The following ATXN2 variants were observed in gnomAD, a reference collection of about 807,000 sequenced individuals.
ATXN2 encodes ataxin-2.
In ATXN2, 37 loss-of-function variants were observed where a neutral mutation model predicts 138.6. The ratio of observed to expected loss-of-function variants is 0.27; its 90% CI spans 0.21 to 0.35. The LOEUF is 0.35. Ranked by LOEUF, ATXN2 falls within the 10% of genes least tolerant of loss-of-function variation. ATXN2 has a pLI of 1.00. For synonymous variants in ATXN2, 549 were observed against 543.7 expected (o/e 1.01, Z -0.13); for missense variants, 1,216 against 1,480.3 (o/e 0.82, Z 2.93).
Position 111,541,373 on chromosome 12 carries a change from CAG to C in ATXN2, c.571+10905_571+10906del, listed in dbSNP as rs1206546577. 1.1e-3 allele frequency among the ~76,000 whole-genome samples: 76 copies of C among 68,202 alleles called. 3 individuals carry two copies. Among genetic ancestry groups the C allele is most frequent in the Non-Finnish European group, 2.0e-3 (69 of 33,904 alleles). 44.7% of individuals were successfully genotyped at this position (68,202 alleles called of 152,430 possible). On this transcript the variant is annotated intron_variant, in intron 5 of 24. Transcript: ENST00000673436. ...TTTTTTTTTTTTTTTTTTTTTGAAA[CAG>C]AGTTTTACTCTTGTTGCCCAGGCTG...
chr12:111,599,559 G>T (rs1592947308), upstream of ATXN2: 1 of 1,171,510 alleles, frequency 8.5e-7, no homozygotes. Context: ...CGGAGGTGCG[G>T]ATAGGGACTC....
intron 1 of ATXN2, chr12:111,597,774 C>T: frequency 1.9e-6 from 2 of 1,051,732 alleles, no homozygotes; most frequent in Non-Finnish European, 1.3e-6. Flanking sequence ...AACCCGACCA[C>T]GTCCCCTGCT....
intron 1 of ATXN2, among the ~76,000 whole-genome samples, chr12:111,592,006 C>T (rs370209942): frequency 4.0e-5 from 6 of 150,974 alleles, no homozygotes; most frequent in Middle Eastern, 3.2e-3. Flanking sequence ...CGCTTGAACC[C>T]GGGAAACAGA....
chr12:111,558,412 T>A (rs1234487004), intron 1 of ATXN2, among the ~76,000 whole-genome samples: 1 of 152,222 alleles, frequency 6.6e-6, no homozygotes, highest in Admixed American at 6.5e-5. Context: ...AGATCAGGTT[T>A]AACAAAACAC....
intron 1 of ATXN2, among the ~76,000 whole-genome samples, chr12:111,590,894 A>AT (rs879886259): frequency 5.6e-4 from 82 of 145,322 alleles, no homozygotes; most frequent in African/African-American, 7.0e-4. Flanking sequence ...AGGTGGAACA[A>AT]TTTTTTTTTT....
chr12:111,550,074 A>G (rs1882041003), intron 5 of ATXN2, among the ~76,000 whole-genome samples: 1 of 151,908 alleles, frequency 6.6e-6, no homozygotes. Context: ...AAAAAAAAAA[A>G]AAAAAGAGAG....
At chr12:111,581,358 A>C in intron 1 of ATXN2, 1 of 600,552 alleles carries the variant, frequency 1.7e-6, no homozygotes, top group Non-Finnish European at 3.1e-6. Context: ...ACCCGACCAC[A>C]GCTGGTCTTC....
chr12:111,594,456 A>G (rs952162330), intron 1 of ATXN2, among the ~76,000 whole-genome samples: 1 of 151,990 alleles, frequency 6.6e-6, no homozygotes, highest in Admixed American at 6.6e-5. Flanking sequence ...CTCCTGCCTC[A>G]GCCTCCCAAG....
chr12:111,475,453 C>T (rs1429958446), intron 18 of ATXN2, among the ~76,000 whole-genome samples: 1 of 137,540 alleles, frequency 7.3e-6, no homozygotes, highest in African/African-American at 2.7e-5. Flanking sequence ...CTAATTGGAA[C>T]AAATTATTGT....
intron 11 of ATXN2, among the ~76,000 whole-genome samples, chr12:111,512,300 GT>G (rs112796017): frequency 9.3e-5 from 14 of 150,928 alleles, no homozygotes; most frequent in African/African-American, 3.2e-4. Flanking sequence ...GAGAAAAAGT[GT>G]TTTTTTTGTT....
chr12:111,591,907 C>T (rs928443983), intron 1 of ATXN2, among the ~76,000 whole-genome samples: 1 of 151,488 alleles, frequency 6.6e-6, no homozygotes, highest in African/African-American at 2.4e-5. Flanking sequence ...CATGGTGAAA[C>T]CCTGTCTCTG....
At chr12:111,464,335 TTGTGTGTGTG>T (rs375641693) in intron 21 of ATXN2, among the ~76,000 whole-genome samples, 201 of 105,834 alleles carry the variant, frequency 1.9e-3, no homozygotes, top group Middle Eastern at 4.9e-3. Context: ...GTGTGTGTGT[TTGTGTGTGTG>T]TGTGTGTGTG....
Position 111,535,026 on chromosome 12 carries a change from T to C in ATXN2, c.572-9710A>G, listed in dbSNP as rs981188538. ...AAAATTAGCCAGGTAGGGTGGTGCA[T>C]GGGGAGGCTGAAATGGGAGAACAGC... On this transcript the variant is annotated intron_variant, in intron 5 of 24. Transcript: ENST00000673436. Among the ~76,000 whole-genome samples the C allele has an allele frequency of 5.9e-5, 9 of 152,008 alleles. 1 individual carries two copies. Among genetic ancestry groups the C allele is most frequent in the Admixed American group, 5.9e-4 (9 of 15,234 alleles).
rs759837652 is a variant in ATXN2, at chr12:111,486,748, G to A, written c.2304+13C>T. The A allele has an allele frequency of 6.2e-7, 1 of 1,600,798 alleles. No individual in the cohort carries two copies. Among genetic ancestry groups the A allele is most frequent in the Non-Finnish European group, 8.6e-7 (1 of 1,169,188 alleles). The stretch of plus-strand genomic sequence containing the variant: ...TTGGGACTAGATAACCTCAAAGAAA[G>A]TAATAAACCTACCTGAGAGAAGGAA... On this transcript the variant is annotated intron_variant, in intron 16 of 24. Coordinates refer to ENST00000673436, the MANE Select transcript of ATXN2 (RefSeq NM_001372574.1).
At chr12:111,493,418 CAAAAAAAAAA>C (rs59185968) in intron 14 of ATXN2, among the ~76,000 whole-genome samples, 4 of 45,646 alleles carry the variant, frequency 8.8e-5, no homozygotes, top group Non-Finnish European at 1.6e-4. Context: ...GACTCTGTCT[CAAAAAAAAAA>C]AAAAAAAAAA....
rs1281551749 is a variant in ATXN2, at chr12:111,525,175, A to G, written c.696+17T>C. 3.7e-6 allele frequency: 6 copies of G among 1,601,218 alleles called. No homozygotes were observed. Among genetic ancestry groups the G allele is most frequent in the Non-Finnish European group, 5.1e-6 (6 of 1,176,486 alleles). ...TACTGACCAGAGTCTAGCAATAATTACAAAGATGTTACTTACTACGTCATT... is the reference window on the plus strand; with the variant it reads ...TACTGACCAGAGTCTAGCAATAATTGCAAAGATGTTACTTACTACGTCATT... On this transcript the variant is annotated intron_variant, in intron 6 of 24. Coordinates refer to ENST00000673436, the MANE Select transcript of ATXN2 (RefSeq NM_001372574.1).
chr12:111,586,388 GTTTTTTT>G lies in ATXN2; in HGVS notation c.251+12389_251+12395del, dbSNP rs759694846. Among the ~76,000 whole-genome samples, 7 of 114,864 alleles carry G rather than the reference GTTTTTTT, an allele frequency of 6.1e-5. No homozygotes were observed. The South Asian group carries it at 2.2e-3, about 36-fold the overall frequency. The allele number at this position is 114,864 out of a possible 152,430, so 75.4% of individuals were successfully genotyped here. A position where few individuals can be genotyped will look rare whatever the true frequency, so the allele number is the denominator to read the frequency against. On this transcript the variant is annotated intron_variant, in intron 1 of 24. Transcript: ENST00000673436. The stretch of plus-strand genomic sequence containing the variant: ...AGGCGCCCGCCCAGCCCCAAGTCTG[GTTTTTTT>G]TTTTTTTTTTTTTTTTTAGACGGAG...
rs1319816992 is a variant in ATXN2 at position 111,457,272 on chromosome 12, G to A, written c.2984C>T (p.Pro995Leu). 2 of 1,614,158 alleles carry A rather than the reference G, an allele frequency of 1.2e-6. No homozygotes were observed. The highest frequency in any genetic ancestry group is 1.7e-6 in the Non-Finnish European group (2 of 1,180,008). ...ATGTTGGCTTTGCTGCTGTCCAGTG[G>A]GGGTAGCTGAAGGCTGAGGGTGTGG... ...HTPHPQPSAT[P>L]TGQQQSQHGG... Residue 995 changes from proline to leucine, a missense_variant, in exon 22 of 25, where the codon CCC (proline) becomes CTC (leucine). Pro to Leu is a moderately conservative substitution (Grantham distance 98, BLOSUM62 -3). Transcript: ENST00000673436.
chr12:111,504,328 T>A (rs1051620292), intron 14 of ATXN2, among the ~76,000 whole-genome samples: 1 of 152,198 alleles, frequency 6.6e-6, no homozygotes, highest in Non-Finnish European at 1.5e-5. Flanking sequence ...AGTCTCACTC[T>A]GTCGCCCACA....
Sources: gnomAD v4.1 joint callset for allele counts (sites outside exome capture counted in the v4.1 genomes callset) on GRCh38, gnomAD v4.1.1 for gene constraint, MANE v1.5 for transcripts, NCBI Gene and HGNC (gene_info 2026-07-23, HGNC 2026-07-21) for gene names.